NEDD4L: variants seen among roughly 807,000 people sequenced by gnomAD.
NEDD4L encodes NEDD4 like E3 ubiquitin protein ligase.
In NEDD4L, 54 loss-of-function variants were observed where a neutral mutation model predicts 148.9. The observed-to-expected ratio is 0.36, with a 90% CI of 0.29 to 0.45. The LOEUF (loss-of-function observed/expected upper bound fraction) is 0.45, where lower values mean the gene tolerates loss of function less well. Ranked by LOEUF, NEDD4L falls within the 20% of genes least tolerant of loss-of-function variation. The probability of loss-of-function intolerance (pLI) is 1.00; values close to 1 mark genes in which losing one functional copy is unlikely to be tolerated. For missense variants in NEDD4L, 856 were observed against 1,233.8 expected, an observed-to-expected ratio of 0.69 and a Z score of 4.59; for synonymous variants, 433 against 440.7, an observed-to-expected ratio of 0.98 and a Z score of 0.22.
intron 1 of NEDD4L, among the ~76,000 whole-genome samples, chr18:58,133,292 A>G (rs990368867): frequency 1.3e-5 from 2 of 152,228 alleles, no homozygotes; most frequent in Non-Finnish European, 2.9e-5. Context: ...TTCTATGCCA[A>G]CTGTTTCCAC....
Position 58,256,287 on chromosome 18 carries a change from G to T in NEDD4L, c.297+4233G>T. The T allele has an allele frequency of 8.1e-7, 1 of 1,231,524 alleles. No individual in the cohort carries two copies. The highest frequency in any genetic ancestry group is 3.2e-5 in the East Asian group (1 of 31,698). 76.3% of individuals were successfully genotyped at this position (1,231,524 alleles called of 1,614,324 possible). A position where few individuals can be genotyped will look rare whatever the true frequency, so the allele number is the denominator to read the frequency against. Reference sequence around the variant, plus strand: ...CCCCTGGGCCCCGATGGCCAGGGCGGCCCGGCCGCGGCAGAGCCCAGGCGC... The same window carrying T: ...CCCCTGGGCCCCGATGGCCAGGGCGTCCCGGCCGCGGCAGAGCCCAGGCGC... On this transcript the variant is annotated intron_variant, in intron 5 of 30. Coordinates refer to ENST00000400345, the MANE Select transcript of NEDD4L (RefSeq NM_001144967.3). The surrounding 1 kb of genome is among the most constrained non-coding windows in gnomAD (Gnocchi z 5.2).
intron 5 of NEDD4L, among the ~76,000 whole-genome samples, chr18:58,311,475 T>A (rs1312066656): frequency 6.6e-6 from 1 of 152,138 alleles, no homozygotes; most frequent in Non-Finnish European, 1.5e-5. Flanking sequence ...CTGGGGGTCT[T>A]TAGGACCCCA....
intron 2 of NEDD4L, among the ~76,000 whole-genome samples, chr18:58,216,695 A>G (rs539048775): frequency 6.6e-6 from 1 of 152,246 alleles, no homozygotes; most frequent in South Asian, 2.1e-4. Context: ...CAGAGGTGGA[A>G]TCACTGCTCC....
intron 2 of NEDD4L, among the ~76,000 whole-genome samples, chr18:58,194,385 A>G (rs2040439623): frequency 6.6e-6 from 1 of 152,208 alleles, no homozygotes; most frequent in Non-Finnish European, 1.5e-5. Context: ...CTTATCGAAG[A>G]GTGCTAATAT....
At chr18:58,202,600 C>T (rs570035711) in intron 2 of NEDD4L, among the ~76,000 whole-genome samples, 8 of 152,232 alleles carry the variant, frequency 5.3e-5, no homozygotes, top group East Asian at 3.9e-4. Context: ...ATTTGCACTT[C>T]CTCCTGGTGC....
chr18:58,165,812 A>G lies in NEDD4L; in HGVS notation c.73A>G (p.Lys25Glu). The G allele has an allele frequency of 6.2e-7, 1 of 1,611,428 alleles. No homozygotes were observed. Among genetic ancestry groups the G allele is most frequent in the Non-Finnish European group, 8.5e-7 (1 of 1,178,706 alleles). ...DEGESRILRV[K>E]VVSGIDLAKK... is the part of the protein sequence containing the mutation. ...GGGAGAGTCCCGTATTCTCAGAGTA[A>G]AAGTTGTTTCTGGAATTGATCTCGC... is the stretch of plus-strand genomic sequence containing the variant. The change falls in exon 2 of 31, where the codon AAA becomes GAA. Residue 25 changes from lysine (K) to glutamate (E), a missense_variant. Transcript: ENST00000400345.
intron 2 of NEDD4L, among the ~76,000 whole-genome samples, chr18:58,215,603 G>C (rs916818084): frequency 6.6e-6 from 1 of 151,590 alleles, no homozygotes; most frequent in South Asian, 2.1e-4. Context: ...TCTTTTCTTT[G>C]TTGACTTGGA....
At chr18:58,148,606 C>G (rs910791338) in intron 1 of NEDD4L, among the ~76,000 whole-genome samples, 1 of 152,214 alleles carries the variant, frequency 6.6e-6, no homozygotes, top group African/African-American at 2.4e-5. Context: ...ATCCGAAGCC[C>G]CAGTGTCTCT....
intron 2 of NEDD4L, chr18:58,193,802 A>T (rs2040371360): frequency 6.6e-6 from 1 of 152,198 alleles, no homozygotes; most frequent in Non-Finnish European, 1.5e-5. Context: ...TTTCCTGAAC[A>T]GCTAAGTCTT....
At chr18:58,185,074 G>A (rs765816414) in intron 2 of NEDD4L, among the ~76,000 whole-genome samples, 2 of 152,206 alleles carry the variant, frequency 1.3e-5, no homozygotes, top group Non-Finnish European at 2.9e-5. Context: ...GTTAGTCATG[G>A]TCCTTGCTCT....
chr18:58,192,229 TGTGAG>T (rs2040198229), intron 2 of NEDD4L, among the ~76,000 whole-genome samples: 2 of 152,182 alleles, frequency 1.3e-5, no homozygotes, highest in Non-Finnish European at 2.9e-5. Context: ...TTCCTAAATA[TGTGAG>T]CCTGGACCAT....
intron 26 of NEDD4L, 50 bp downstream of exon 26, chr18:58,385,636 C>G (rs755307272): frequency 6.9e-7 from 1 of 1,444,436 alleles, no homozygotes; most frequent in Non-Finnish European, 9.8e-7. Flanking sequence ...GGTCCCGGGT[C>G]GATGGGGGAT....
chr18:58,088,188 G>A (rs1339272020), intron 1 of NEDD4L, among the ~76,000 whole-genome samples: 1 of 152,216 alleles, frequency 6.6e-6, no homozygotes, highest in African/African-American at 2.4e-5. Flanking sequence ...GAGACCAGGG[G>A]AAAGCTGCAG....
Position 58,044,781 on chromosome 18 carries a change from G to C in NEDD4L, c.48+73G>C, listed in dbSNP as rs1388896232. On this transcript the variant is annotated intron_variant, in intron 1 of 30. Coordinates refer to ENST00000400345, the MANE Select transcript of NEDD4L (RefSeq NM_001144967.3). ...CCCGCGCCGGCAGGGGGAGGGGAAA[G>C]GGGCCGTCCCCGGGGTGCTCGTGCC... The C allele has an allele frequency of 2.6e-6, 4 of 1,556,714 alleles. No homozygotes were observed. In the Admixed American group the frequency reaches 7.4e-5, roughly 29 times the overall value.
chr18:58,053,341 C>T (rs1306749078), intron 1 of NEDD4L, among the ~76,000 whole-genome samples: 1 of 151,886 alleles, frequency 6.6e-6, no homozygotes, highest in African/African-American at 2.4e-5. Context: ...TGGAGTCTCA[C>T]TCTGTCGCCC....
chr18:58,139,368 C>A (rs142552348), intron 1 of NEDD4L, among the ~76,000 whole-genome samples: 1,563 of 145,078 alleles, frequency 0.011, 16 homozygotes, highest in South Asian at 0.014. Context: ...TTTTGGGAGA[C>A]GTAATACTTA....
intron 2 of NEDD4L, among the ~76,000 whole-genome samples, chr18:58,223,300 C>A (rs7228701): frequency 3.3e-5 from 5 of 151,868 alleles, no homozygotes; most frequent in African/African-American, 4.8e-5. Flanking sequence ...TGATTTAAAA[C>A]GACACATTTG....
rs75564453 is a variant in NEDD4L at position 58,373,432 on chromosome 18, C to T, written c.2352+163C>T. Among the ~76,000 whole-genome samples the T allele has an allele frequency of 5.9e-5, 9 of 152,288 alleles. No individual in the cohort carries two copies. In the East Asian group the frequency reaches 1.3e-3, roughly 23 times the overall value. ...GCAGCACCTTTTTGTCATGCCAAGA[C>T]GCCACACTCCAATTACAACCATTTC... On this transcript the variant is annotated intron_variant, in intron 24 of 30. Coordinates refer to ENST00000400345, the MANE Select transcript of NEDD4L (RefSeq NM_001144967.3).
In NEDD4L at chr18:58,400,415, G is replaced by A. The variant is rs1341275299; in HGVS notation, c.*4146G>A. 1.3e-5 allele frequency: 2 copies of A among 152,120 alleles called. No homozygotes were observed. The highest frequency in any genetic ancestry group is 3.8e-4 in the East Asian group (2 of 5,204). The allele number at this position is 152,120 out of a possible 1,614,324, so 9.4% of individuals were successfully genotyped here. ...TGGACCACTTTTTTAATTTATATAA[G>A]CCTTAATGAACAGTGTCTATACATT... On this transcript the variant is annotated 3_prime_UTR_variant, in exon 31 of 31. Transcript: ENST00000400345.
Sources: gnomAD v4.1 joint callset for allele counts (sites outside exome capture counted in the v4.1 genomes callset) on GRCh38, gnomAD v4.1.1 for gene constraint, Gnocchi (gnomAD v3.1) non-coding constraint, MANE v1.5 for transcripts, NCBI Gene and HGNC (gene_info 2026-07-23, HGNC 2026-07-21) for gene names.